The following COBLL1 variants were observed in gnomAD, a reference collection of about 807,000 sequenced individuals.
The protein encoded by COBLL1 is cordon-bleu protein-like 1.
In COBLL1, 50 loss-of-function variants were observed where a neutral mutation model predicts 94.8. That is an observed-to-expected ratio of 0.53 (90% CI 0.42 to 0.67). COBLL1 has a LOEUF of 0.67. Ranked by LOEUF, COBLL1 falls within the 30% of genes least tolerant of loss-of-function variation. The probability of loss-of-function intolerance (pLI) is 0.00; values close to 1 mark genes in which losing one functional copy is unlikely to be tolerated. For missense variants in COBLL1, 1,362 were observed against 1,348.7 expected (o/e 1.01, Z -0.15); for synonymous variants, 448 against 473.8 (o/e 0.95, Z 0.71).
chr2:164,748,174 T>C (rs1411681310), intron 2 of COBLL1, among the ~76,000 whole-genome samples: 2 of 152,178 alleles, frequency 1.3e-5, no homozygotes, highest in East Asian at 1.9e-4. Flanking sequence ...ACATTAAATT[T>C]AGGAATGTGT....
intron 2 of COBLL1, among the ~76,000 whole-genome samples, chr2:164,804,427 TATGAA>T (rs1683985195): frequency 1.3e-5 from 2 of 152,192 alleles, no homozygotes; most frequent in Admixed American, 1.3e-4. Flanking sequence ...AAGTCTATAA[TATGAA>T]ATGTCTGTTT....
chr2:164,818,204 A>G (rs577849764), intron 2 of COBLL1, among the ~76,000 whole-genome samples: 6 of 150,566 alleles, frequency 4.0e-5, no homozygotes, highest in South Asian at 2.2e-4. Context: ...ATGTATACAT[A>G]TGTGTGTATA....
At chr2:164,752,068 G>A (rs555588681) in intron 2 of COBLL1, among the ~76,000 whole-genome samples, 19 of 152,260 alleles carry the variant, frequency 1.2e-4, no homozygotes, top group Middle Eastern at 3.4e-3. Flanking sequence ...TCACATCAAA[G>A]AAGCACATAT....
chr2:164,773,742 T>A (rs1688325409), intron 2 of COBLL1: 2 of 1,298,520 alleles, frequency 1.5e-6, no homozygotes, highest in Non-Finnish European at 2.0e-6. Context: ...ACAGTATTGT[T>A]CCTCTAGCGC....
At chr2:164,734,788 C>A (rs1376187980) in intron 3 of COBLL1, among the ~76,000 whole-genome samples, 2 of 152,158 alleles carry the variant, frequency 1.3e-5, no homozygotes, top group Non-Finnish European at 2.9e-5. Flanking sequence ...ACCTAAAATG[C>A]AAATTTCAAT....
chr2:164,789,703 T>C (rs1332539201), intron 2 of COBLL1, among the ~76,000 whole-genome samples: 1 of 152,216 alleles, frequency 6.6e-6, no homozygotes, highest in Non-Finnish European at 1.5e-5. Context: ...AACTCTCTAC[T>C]TGAAACCCAG....
rs2105405612 is a variant in COBLL1, at chr2:164,841,449, A to T, written c.-50-203T>A. 8.7e-7 allele frequency: 1 copy of T among 1,147,444 alleles called. No individual in the cohort carries two copies. The highest frequency in any genetic ancestry group is 1.1e-6 in the Non-Finnish European group (1 of 934,742). 71.1% of individuals were successfully genotyped at this position (1,147,444 alleles called of 1,614,324 possible). Reference sequence around the variant, plus strand: ...ACAAGGTCTAGCGGGCGCCCAGAGCACGGCGGAGGAGGCGGTGGCGCTGCA... The same window carrying T: ...ACAAGGTCTAGCGGGCGCCCAGAGCTCGGCGGAGGAGGCGGTGGCGCTGCA... On this transcript the variant is annotated intron_variant, in intron 1 of 13. Coordinates refer to ENST00000652658, the MANE Select transcript of COBLL1 (RefSeq NM_001365672.2). This position sits in a 1 kb window ranked among gnomAD's most constrained non-coding sequence, Gnocchi z 5.5.
chr2:164,716,799 C>T (rs780623002), intron 7 of COBLL1, among the ~76,000 whole-genome samples: 2 of 152,048 alleles, frequency 1.3e-5, no homozygotes, highest in Non-Finnish European at 2.9e-5. Flanking sequence ...AAACACCATC[C>T]ATATACTTTA....
At position 164,661,147 on chromosome 2, in the gene COBLL1, G is replaced by C. The variant is rs551904367; in HGVS notation, n.181+4700C>G. ...ATTACTCTTTAGTATATTACATTCA[G>C]TACCTTATTATTGGGGGAAAGAGTG... On this transcript the variant is annotated intron_variant and non_coding_transcript_variant, in intron 2 of 2. Coordinates refer to the COBLL1 transcript ENST00000495084. 1.1e-3 allele frequency among the ~76,000 whole-genome samples: 164 copies of C among 152,076 alleles called. No individual in the cohort carries two copies. In the Middle Eastern group the frequency reaches 0.031, roughly 29 times the overall value.
intron 2 of COBLL1, among the ~76,000 whole-genome samples, chr2:164,803,179 T>C (rs1030640495): frequency 6.6e-6 from 1 of 152,232 alleles, no homozygotes; most frequent in African/African-American, 2.4e-5. Flanking sequence ...ATTTTATGTA[T>C]GTCAGTTTAA....
intron 2 of COBLL1, among the ~76,000 whole-genome samples, chr2:164,827,201 G>A (rs1435736846): frequency 6.6e-6 from 1 of 152,020 alleles, no homozygotes; most frequent in Non-Finnish European, 1.5e-5. Flanking sequence ...CACCCACCTC[G>A]GCCTCCCAAA....
At chr2:164,714,791 C>T (rs1408419524) in intron 7 of COBLL1, among the ~76,000 whole-genome samples, 1 of 152,150 alleles carries the variant, frequency 6.6e-6, no homozygotes, top group Non-Finnish European at 1.5e-5. Flanking sequence ...AAGTAAACTT[C>T]ATACTGGTAA....
chr2:164,666,835 T>C (rs1256054938), intron 1 of COBLL1, among the ~76,000 whole-genome samples: 1 of 152,232 alleles, frequency 6.6e-6, no homozygotes, highest in East Asian at 1.9e-4. Context: ...TTGTTATTTC[T>C]ACCACATCTG....
At chr2:164,662,114 A>C (rs1275887012) in intron 2 of COBLL1, among the ~76,000 whole-genome samples, 1 of 152,204 alleles carries the variant, frequency 6.6e-6, no homozygotes, top group Non-Finnish European at 1.5e-5. Context: ...TAAAGGAAAA[A>C]ATAAGTATGG....
Position 164,841,090 on chromosome 2 carries a change from G to C in COBLL1, c.41+66C>G. The C allele has an allele frequency of 8.2e-7, 1 of 1,225,390 alleles. No homozygotes were observed. The highest frequency in any genetic ancestry group is 1.0e-6 in the Non-Finnish European group (1 of 982,940). The allele number at this position is 1,225,390 out of a possible 1,614,324, so 75.9% of individuals were successfully genotyped here. A position where few individuals can be genotyped will look rare whatever the true frequency, so the allele number is the denominator to read the frequency against. On this transcript the variant is annotated intron_variant, in intron 2 of 13. Transcript: ENST00000652658. This position sits in a 1 kb window ranked among gnomAD's most constrained non-coding sequence, Gnocchi z 5.5. ...GAGTTGCCAGCCAGGTGAAACGGCCGAGGCCTCGCTGTCCTCGCCGGCCTC... is the reference window on the plus strand; with the variant it reads ...GAGTTGCCAGCCAGGTGAAACGGCCCAGGCCTCGCTGTCCTCGCCGGCCTC...
At chr2:164,660,561 T>C (rs1691054645) in intron 2 of COBLL1, among the ~76,000 whole-genome samples, 1 of 152,158 alleles carries the variant, frequency 6.6e-6, no homozygotes, top group Admixed American at 6.5e-5. Context: ...ACAAGCCCAG[T>C]AGTACACTAC....
intron 2 of COBLL1, among the ~76,000 whole-genome samples, chr2:164,758,206 C>T (rs1687503118): frequency 6.6e-6 from 1 of 151,632 alleles, no homozygotes; most frequent in Non-Finnish European, 1.5e-5. Context: ...ATGAGGCCCT[C>T]AGATACCAAT....
intron 2 of COBLL1, among the ~76,000 whole-genome samples, chr2:164,759,446 T>C (rs1487407968): frequency 1.3e-5 from 2 of 152,044 alleles, no homozygotes; most frequent in African/African-American, 4.8e-5. Flanking sequence ...ACTTAAAAAA[T>C]TTATAGATAA....
rs906557829 is a variant in COBLL1 at position 164,695,224 on chromosome 2, C to T, written c.2168G>A (p.Arg723Gln). ...CATGCCAATTTTGGGTATATACTCT[C>T]GTGTAATTTCATTTGAAGGTTTTGG... ...PKPKPSNEIT[R>Q]EYIPKIGMTT... The change falls in exon 12 of 14, where the codon CGA becomes CAA. Residue 723 changes from arginine (R) to glutamine (Q), a missense_variant. Transcript: ENST00000652658. 9 of 1,613,714 alleles carry T rather than the reference C, an allele frequency of 5.6e-6. No homozygotes were observed. Among genetic ancestry groups the T allele is most frequent in the Non-Finnish European group, 7.6e-6 (9 of 1,179,938 alleles).
Sources: allele counts gnomAD v4.1 joint callset (sites outside exome capture counted in the v4.1 genomes callset), GRCh38; gene constraint gnomAD v4.1.1; non-coding constraint Gnocchi (gnomAD v3.1); transcripts MANE v1.5; gene names NCBI Gene and HGNC (gene_info 2026-07-23, HGNC 2026-07-21).